CDC37: variants seen among roughly 807,000 people sequenced by gnomAD.
CDC37 encodes the protein hsp90 co-chaperone Cdc37.
CDC37 carries 9 observed loss-of-function variants against 46.9 expected under a neutral mutation model. The observed-to-expected ratio is 0.19, with a 90% CI of 0.12 to 0.33. CDC37 has a LOEUF of 0.33. Ranked by LOEUF, CDC37 falls within the 10% of genes least tolerant of loss-of-function variation. The pLI, the probability that CDC37 is intolerant of heterozygous loss-of-function variation, is 1.00. For missense variants in CDC37, 388 were observed against 514.6 expected, an observed-to-expected ratio of 0.75 and a Z score of 2.38; for synonymous variants, 193 against 191.0, an observed-to-expected ratio of 1.01 and a Z score of -0.09.
At position 10,398,182 on chromosome 19, in the gene CDC37, T is replaced by TG. The variant is rs550494083; in HGVS notation, c.103-1980dup. Among the ~76,000 whole-genome samples the TG allele has an allele frequency of 1.3e-5, 2 of 152,142 alleles. No homozygotes were observed. The highest frequency in any genetic ancestry group is 4.8e-5 in the African/African-American group (2 of 41,428). ...GACCAGAGTCCTCCCCACTACATCT[T>TG]GGGGGGTCTGAATTCAGATGGGACT... On this transcript the variant is annotated intron_variant, in intron 1 of 7. Coordinates refer to ENST00000222005, the MANE Select transcript of CDC37 (RefSeq NM_007065.4). This position sits in a 1 kb window ranked among gnomAD's most constrained non-coding sequence, Gnocchi z 4.2.
At position 10,395,151 on chromosome 19, in the gene CDC37, G is replaced by A. The variant is rs762557613; in HGVS notation, c.604-8C>T. 3.7e-6 allele frequency: 6 copies of A among 1,604,118 alleles called. No individual in the cohort carries two copies. The South Asian group carries it at 5.5e-5, about 15-fold the overall frequency. On this transcript the variant is annotated splice_region_variant and splice_polypyrimidine_tract_variant and intron_variant, in intron 4 of 7. Coordinates refer to ENST00000222005, the MANE Select transcript of CDC37 (RefSeq NM_007065.4). ...CTCCATGAGTGCACATTTCTGCCAG[G>A]AAGAACAGGCACAGCGTCACCAAGT... is the stretch of plus-strand genomic sequence containing the variant.
chr19:10,402,707 C>A (rs1165337523), intron 1 of CDC37, among the ~76,000 whole-genome samples: 1 of 152,086 alleles, frequency 6.6e-6, no homozygotes, highest in Non-Finnish European at 1.5e-5. Context: ...GTAGTTAGAT[C>A]CAGAGGGGAA....
In CDC37 at chr19:10,395,056, G is replaced by C. The variant is rs779190160; in HGVS notation, c.691C>G (p.Arg231Gly). Residue 231 changes from arginine to glycine, a missense_variant, in exon 5 of 8, where the codon CGG (arginine) becomes GGG (glycine). By Grantham distance (125) the Arg-to-Gly change is moderately radical. Coordinates refer to ENST00000222005, the MANE Select transcript of CDC37 (RefSeq NM_007065.4). ...ELAKSLKVDP[R>G]ACFRQFFTKI... ...GTGAAGAACTGCCGGAAGCAGGCCC[G>C]GGGGTCCACCTTTAGGCTCTTGGCC... 7 of 1,535,682 alleles carry C rather than the reference G, an allele frequency of 4.6e-6. No individual in the cohort carries two copies. Among genetic ancestry groups the C allele is most frequent in the African/African-American group, 2.8e-5 (2 of 72,372 alleles).
Position 10,398,011 on chromosome 19 carries a change from G to A in CDC37, c.103-1808C>T, listed in dbSNP as rs2042500883. On this transcript the variant is annotated intron_variant, in intron 1 of 7. Coordinates refer to ENST00000222005, the MANE Select transcript of CDC37 (RefSeq NM_007065.4). The surrounding 1 kb of genome is among the most constrained non-coding windows in gnomAD (Gnocchi z 4.2). ...GCGTGGCTCCACCATCACCTCTCCT[G>A]AACCTCAGTGGAGGCTGCTCTATCC... Among the ~76,000 whole-genome samples, 1 of 152,104 alleles carries A rather than the reference G, an allele frequency of 6.6e-6. No individual in the cohort carries two copies. The highest frequency in any genetic ancestry group is 1.5e-5 in the Non-Finnish European group (1 of 68,024).
intron 1 of CDC37, among the ~76,000 whole-genome samples, chr19:10,399,931 TAAAA>T (rs56162717): frequency 8.3e-4 from 40 of 48,318 alleles, no homozygotes; most frequent in South Asian, 2.0e-3. Flanking sequence ...GACTCCGTCT[TAAAA>T]AAAAAAAAAA....
In CDC37 at chr19:10,391,672, G is replaced by C. The variant is rs762577907; in HGVS notation, c.1016C>G (p.Ser339Cys). The C allele has an allele frequency of 6.2e-7, 1 of 1,614,068 alleles. No homozygotes were observed. The highest frequency in any genetic ancestry group is 8.5e-7 in the Non-Finnish European group (1 of 1,179,990). ...AKYHMQRCID[S>C]GLWVPNSKAS... is the part of the protein sequence containing the mutation. ...CTTAGAGTTGGGGACCCAGAGGCCA[G>C]AGTCAATGCAGCGCTGCATGTGGTA... Residue 339 changes from serine to cysteine, a missense_variant, in exon 8 of 8, where the codon TCT becomes TGT. Physicochemically the swap from Ser to Cys is moderately radical, Grantham distance 112 (BLOSUM62 -1). This residue lies in a region of CDC37 where 374 missense variants were observed against 467.4 expected (regional missense o/e 0.80). Coordinates refer to ENST00000222005, the MANE Select transcript of CDC37 (RefSeq NM_007065.4).
At chr19:10,403,087 G>A (rs1161639902) in intron 1 of CDC37, among the ~76,000 whole-genome samples, 1 of 152,134 alleles carries the variant, frequency 6.6e-6, no homozygotes, top group Non-Finnish European at 1.5e-5. Flanking sequence ...CAGAATTAGG[G>A]AGAACCCCCA....
Position 10,396,287 on chromosome 19 carries a change from G to T in CDC37, c.103-84C>A, listed in dbSNP as rs2042491994. ...ATACCCAATCCCTGCACCGGAGATG[G>T]CCCCAGGAAAAAGTACGCGTCCACC... On this transcript the variant is annotated intron_variant, in intron 1 of 7. Coordinates refer to ENST00000222005, the MANE Select transcript of CDC37 (RefSeq NM_007065.4). The surrounding 1 kb of genome is among the most constrained non-coding windows in gnomAD (Gnocchi z 5.9). 2 of 1,472,328 alleles carry T rather than the reference G, an allele frequency of 1.4e-6. No individual in the cohort carries two copies. The highest frequency in any genetic ancestry group is 1.8e-6 in the Non-Finnish European group (2 of 1,089,408). The allele number at this position is 1,472,328 out of a possible 1,614,324, so 91.2% of individuals were successfully genotyped here.
chr19:10,400,903 G>T (rs2042515399), intron 1 of CDC37, among the ~76,000 whole-genome samples: 1 of 152,008 alleles, frequency 6.6e-6, no homozygotes, highest in Non-Finnish European at 1.5e-5. Context: ...GCCCCAAAAG[G>T]ATTACAAATA....
At chr19:10,400,824 G>A (rs2042514949) in intron 1 of CDC37, 1 of 146,676 alleles carries the variant, frequency 6.8e-6, no homozygotes, top group Admixed American at 6.8e-5. Flanking sequence ...CACCACATGT[G>A]GCTACAGATT....
intron 5 of CDC37, among the ~76,000 whole-genome samples, chr19:10,394,237 C>T (rs1568354221): frequency 2.0e-5 from 3 of 152,206 alleles, no homozygotes; most frequent in Non-Finnish European, 2.9e-5. Context: ...GCATTCCAGC[C>T]TTGGTGACAG....
intron 4 of CDC37, 24 bp from the exon 5 acceptor site, chr19:10,395,167 G>C: frequency 6.2e-7 from 1 of 1,610,302 alleles, no homozygotes; most frequent in Non-Finnish European, 8.5e-7. Flanking sequence ...CAGGCACAGC[G>C]TCACCAAGTG....
intron 1 of CDC37, among the ~76,000 whole-genome samples, chr19:10,401,196 T>A (rs1258594568): frequency 6.6e-6 from 1 of 152,240 alleles, no homozygotes; most frequent in Non-Finnish European, 1.5e-5. Flanking sequence ...GGGGCCATAT[T>A]ATCCCAGGTT....
At position 10,393,073 on chromosome 19, in the gene CDC37, G is replaced by T; in HGVS notation, c.981+13C>A. 6.2e-7 allele frequency: 1 copy of T among 1,611,700 alleles called. No individual in the cohort carries two copies. The highest frequency in any genetic ancestry group is 8.5e-7 in the Non-Finnish European group (1 of 1,177,840). On this transcript the variant is annotated intron_variant, in intron 7 of 7. Coordinates refer to ENST00000222005, the MANE Select transcript of CDC37 (RefSeq NM_007065.4). This position sits in a 1 kb window ranked among gnomAD's most constrained non-coding sequence, Gnocchi z 4.9. ...GGCCCGCCGGGAAGGCATGGGGCGC[G>T]GGGGTTACTCACGGTGGGGTCCATC...
In CDC37 at chr19:10,395,919, C is replaced by T; in HGVS notation, c.378+9G>A. 8 of 1,610,668 alleles carry T rather than the reference C, an allele frequency of 5.0e-6. No homozygotes were observed. Among genetic ancestry groups the T allele is most frequent in the Non-Finnish European group, 6.8e-6 (8 of 1,177,446 alleles). On this transcript the variant is annotated intron_variant, in intron 2 of 7. Transcript: ENST00000222005. ...CATGCGCACTGCCCGCCCCGCCCGC[C>T]CCGCACACCTTGCTGAAGCCGTCTT...
At chr19:10,402,157 C>CAAAAAAA (rs753021871) in intron 1 of CDC37, among the ~76,000 whole-genome samples, 1 of 63,836 alleles carries the variant, frequency 1.6e-5, no homozygotes, top group African/African-American at 6.4e-5. Context: ...AACTTCGTCT[C>CAAAAAAA]AAAAAAAAAA....
rs376983797 is a variant in CDC37, at chr19:10,395,105, G to A, written c.642C>T (p.Ile214=). Residue 214 remains isoleucine (I), a synonymous_variant, in exon 5 of 8, where the codon ATC becomes ATT. Transcript: ENST00000222005. ...ALMEQVAHQT[I]VMQFILELAK... is the part of the protein sequence containing the mutation. ...CCAGCTCCAGGATAAATTGCATGAC[G>A]ATTGTCTGGTGGGCCACCTGCTCCA... is the stretch of plus-strand genomic sequence containing the variant. 15 of 1,578,062 alleles carry A rather than the reference G, an allele frequency of 9.5e-6. No homozygotes were observed. In the African/African-American group the frequency reaches 1.2e-4, roughly 13 times the overall value.
rs1003454207 is a variant in CDC37 at position 10,393,729 on chromosome 19, C to G, written c.727-288G>C. The G allele has an allele frequency of 7.7e-6, 3 of 390,812 alleles. No individual in the cohort carries two copies. The highest frequency in any genetic ancestry group is 1.4e-5 in the Non-Finnish European group (3 of 216,628). The allele number at this position is 390,812 out of a possible 1,614,324, so 24.2% of individuals were successfully genotyped here. A position where few individuals can be genotyped will look rare whatever the true frequency, so the allele number is the denominator to read the frequency against. On this transcript the variant is annotated intron_variant, in intron 5 of 7. Coordinates refer to ENST00000222005, the MANE Select transcript of CDC37 (RefSeq NM_007065.4). The surrounding 1 kb of genome is among the most constrained non-coding windows in gnomAD (Gnocchi z 4.9). ...TAACTCAACATGGCCACCTCCCAGCCTGCCTTGTCCTTGGTCTCCCTAATC... is the reference window on the plus strand; with the variant it reads ...TAACTCAACATGGCCACCTCCCAGCGTGCCTTGTCCTTGGTCTCCCTAATC...
chr19:10,400,775 G>A (rs1470502692), intron 1 of CDC37: 1 of 151,800 alleles, frequency 6.6e-6, no homozygotes, highest in East Asian at 1.9e-4. Context: ...TGATCCTTCT[G>A]CCTCAGTCTC....
Sources: gnomAD v4.1 joint callset for allele counts (sites outside exome capture counted in the v4.1 genomes callset) on GRCh38, gnomAD v4.1.1 for gene constraint, gnomAD v4.1.1 regional missense constraint, Gnocchi (gnomAD v3.1) non-coding constraint, MANE v1.5 for transcripts, NCBI Gene and HGNC (gene_info 2026-07-23, HGNC 2026-07-21) for gene names.